The following EFCAB5 variants were observed in gnomAD, a reference collection of about 807,000 sequenced individuals.
The protein encoded by EFCAB5 is EF-hand calcium-binding domain-containing protein 5.
In EFCAB5, 131 loss-of-function variants were observed where a neutral mutation model predicts 167.9. That is an observed-to-expected ratio of 0.78 (90% CI 0.68 to 0.90). EFCAB5 has a LOEUF of 0.90. Ranked by LOEUF, EFCAB5 falls within the 40% of genes least tolerant of loss-of-function variation. The pLI, the probability that EFCAB5 is intolerant of heterozygous loss-of-function variation, is 0.00. For missense variants in EFCAB5, 1,663 were observed against 1,745.2 expected (o/e 0.95, Z 0.84); for synonymous variants, 574 against 602.8 (o/e 0.95, Z 0.70).
At chr17:29,980,680 C>A (rs1009834028) in intron 4 of EFCAB5, among the ~76,000 whole-genome samples, 37 of 152,190 alleles carry the variant, frequency 2.4e-4, no homozygotes, top group African/African-American at 8.9e-4. Flanking sequence ...AGTTCTTTAA[C>A]CTGTCACTCT....
chr17:29,932,785 A>C (rs1335972869), intron 1 of EFCAB5, among the ~76,000 whole-genome samples: 1 of 152,070 alleles, frequency 6.6e-6, no homozygotes, highest in Non-Finnish European at 1.5e-5. Flanking sequence ...TAGTAGAAGT[A>C]GATTAGTGGT....
intron 7 of EFCAB5, among the ~76,000 whole-genome samples, chr17:30,033,983 G>A (rs1188623884): frequency 6.6e-6 from 1 of 152,168 alleles, no homozygotes; most frequent in Non-Finnish European, 1.5e-5. Context: ...ATGTGATATA[G>A]AGGGAAATTG....
At position 30,051,006 on chromosome 17, in the gene EFCAB5, A is replaced by G. The variant is rs2070076691; in HGVS notation, c.1201-112A>G. On this transcript the variant is annotated intron_variant, in intron 8 of 22. Coordinates refer to ENST00000394835, the MANE Select transcript of EFCAB5 (RefSeq NM_198529.4). The stretch of plus-strand genomic sequence containing the variant: ...ATGCTGCAGCTTTTATTTACATGAT[A>G]ATGATTGTTGTGGTGATAGTGATGA... 6.5e-6 allele frequency: 5 copies of G among 770,220 alleles called. No individual in the cohort carries two copies. The South Asian group carries it at 8.9e-5, about 14-fold the overall frequency. 47.7% of individuals were successfully genotyped at this position (770,220 alleles called of 1,614,324 possible).
intron 14 of EFCAB5, among the ~76,000 whole-genome samples, chr17:30,061,348 A>G (rs1459836956): frequency 3.9e-5 from 6 of 152,228 alleles, no homozygotes; most frequent in African/African-American, 1.4e-4. Flanking sequence ...GAAGATTCTA[A>G]ATTTCAAGCA....
At chr17:29,993,623 A>C (rs539024033) in intron 5 of EFCAB5, among the ~76,000 whole-genome samples, 48 of 152,214 alleles carry the variant, frequency 3.2e-4, no homozygotes, top group Admixed American at 3.0e-3. Flanking sequence ...TGTATGTGTG[A>C]CTACTTCTGT....
intron 7 of EFCAB5, among the ~76,000 whole-genome samples, chr17:30,007,534 C>A (rs1444850122): frequency 6.6e-6 from 1 of 152,106 alleles, no homozygotes; most frequent in East Asian, 1.9e-4. Flanking sequence ...CTCGTTCTTC[C>A]CAATTTGTAG....
rs555063227 is a variant in EFCAB5 at position 29,991,738 on chromosome 17, T to TG, written c.768-1421dup. On this transcript the variant is annotated intron_variant, in intron 4 of 22. Coordinates refer to ENST00000394835, the MANE Select transcript of EFCAB5 (RefSeq NM_198529.4). Reference sequence around the variant, plus strand: ...TTTGGGGTCAGTTTATGGCCAGATTTGGGGGGCCTGTTCCCAACACCTGAA... The same window carrying TG: ...TTTGGGGTCAGTTTATGGCCAGATTTGGGGGGGCCTGTTCCCAACACCTGAA... Among the ~76,000 whole-genome samples, 543 of 152,270 alleles carry TG rather than the reference T, an allele frequency of 3.6e-3. 3 individuals are homozygous for TG. Among genetic ancestry groups the TG allele is most frequent in the Non-Finnish European group, 4.4e-3 (301 of 68,016 alleles).
intron 14 of EFCAB5, among the ~76,000 whole-genome samples, chr17:30,075,625 C>T (rs2151828203): frequency 6.6e-6 from 1 of 152,314 alleles, no homozygotes; most frequent in Non-Finnish European, 1.5e-5. Context: ...GTTTGTACTG[C>T]TTGGAATCTG....
At chr17:30,072,077 T>C (rs2070751400) in intron 14 of EFCAB5, among the ~76,000 whole-genome samples, 1 of 152,198 alleles carries the variant, frequency 6.6e-6, no homozygotes, top group Non-Finnish European at 1.5e-5. Context: ...TATAGTGTTC[T>C]ATAGCACTGT....
chr17:30,083,123 C>A (rs2071023072), intron 18 of EFCAB5, 80 bp downstream of exon 18: 5 of 1,465,984 alleles, frequency 3.4e-6, no homozygotes, highest in Non-Finnish European at 4.6e-6. Context: ...ATTTGAAAAC[C>A]ATATTAATTA....
Position 30,001,741 on chromosome 17 carries a change from C to G in EFCAB5, c.1044+1765C>G, listed in dbSNP as rs183544989. ...ACAATTTTAAATCCACAATTTACCA[C>G]CAATAAAAGCCACAGTTAACACTAT... On this transcript the variant is annotated intron_variant, in intron 7 of 22. Coordinates refer to ENST00000394835, the MANE Select transcript of EFCAB5 (RefSeq NM_198529.4). Among the ~76,000 whole-genome samples, 4 of 152,292 alleles carry G rather than the reference C, an allele frequency of 2.6e-5. No individual in the cohort carries two copies. The East Asian group carries it at 7.7e-4, about 29-fold the overall frequency.
At chr17:29,979,905 A>G (rs2068137858) in intron 4 of EFCAB5, among the ~76,000 whole-genome samples, 1 of 152,222 alleles carries the variant, frequency 6.6e-6, no homozygotes, top group South Asian at 2.1e-4. Flanking sequence ...ACGGTGGCTC[A>G]TGCCTGTAAT....
At chr17:30,106,470 T>C (rs1429895677) in intron 22 of EFCAB5, among the ~76,000 whole-genome samples, 2 of 152,024 alleles carry the variant, frequency 1.3e-5, no homozygotes, top group African/African-American at 4.8e-5. Flanking sequence ...TTATTATTAT[T>C]TTTTGAAATG....
At chr17:30,057,556 G>A in intron 12 of EFCAB5, 120 bp from the exon 13 acceptor site, 1 of 798,222 alleles carries the variant, frequency 1.3e-6, no homozygotes, top group Non-Finnish European at 2.0e-6. Flanking sequence ...TCCTCATGAA[G>A]GAAGCATGGA....
Position 29,971,073 on chromosome 17 carries a change from CA to C in EFCAB5, c.767+1719del, listed in dbSNP as rs57637961. On this transcript the variant is annotated intron_variant, in intron 4 of 22. Coordinates refer to ENST00000394835, the MANE Select transcript of EFCAB5 (RefSeq NM_198529.4). ...TGGGCAACAGAGTGAGACCCCATCT[CA>C]AAAAAAAAAAAAGATTTTAATGTAG... Among the ~76,000 whole-genome samples the C allele has an allele frequency of 9.5e-3, 1,326 of 139,418 alleles. 12 individuals are homozygous for C. The highest frequency in any genetic ancestry group is 0.031 in the African/African-American group (1,145 of 37,358). 91.5% of individuals were successfully genotyped at this position (139,418 alleles called of 152,430 possible).
intron 7 of EFCAB5, among the ~76,000 whole-genome samples, chr17:30,025,484 A>G: frequency 6.6e-6 from 1 of 152,154 alleles, no homozygotes; most frequent in South Asian, 2.1e-4. Flanking sequence ...ATCTCACACC[A>G]GTTAGAATGG....
At chr17:30,063,376 G>T (rs1366852669) in intron 14 of EFCAB5, among the ~76,000 whole-genome samples, 1 of 152,118 alleles carries the variant, frequency 6.6e-6, no homozygotes, top group Non-Finnish European at 1.5e-5. Flanking sequence ...AGTTGCCTTT[G>T]AGTTTTATTT....
intron 15 of EFCAB5, 146 bp from the exon 16 acceptor site, chr17:30,079,926 C>A: frequency 1.1e-6 from 1 of 912,630 alleles, no homozygotes; most frequent in Non-Finnish European, 1.6e-6. Context: ...CTTTTCCCCA[C>A]TGCCCATGAA....
chr17:30,089,070 A>C (rs776248105), intron 19 of EFCAB5, among the ~76,000 whole-genome samples: 10 of 152,012 alleles, frequency 6.6e-5, no homozygotes, highest in Admixed American at 2.0e-4. Context: ...AGGTATATCT[A>C]CTAATGCTAT....
Sources: gnomAD v4.1 joint callset for allele counts (sites outside exome capture counted in the v4.1 genomes callset) on GRCh38, gnomAD v4.1.1 for gene constraint, MANE v1.5 for transcripts, NCBI Gene and HGNC (gene_info 2026-07-23, HGNC 2026-07-21) for gene names.